The following ITSN1 variants were observed in gnomAD, a reference collection of about 807,000 sequenced individuals.
ITSN1 encodes the protein intersectin-1.
ITSN1 carries 58 observed loss-of-function variants against 239.8 expected under a neutral mutation model. The observed-to-expected ratio is 0.24, with a 90% CI of 0.20 to 0.30. The LOEUF (loss-of-function observed/expected upper bound fraction) is 0.30. Ranked by LOEUF, ITSN1 falls within the 10% of genes least tolerant of loss-of-function variation. The pLI is 1.00. For missense variants in ITSN1, 1,558 were observed against 2,103.3 expected, an observed-to-expected ratio of 0.74 and a Z score of 5.07; for synonymous variants, 780 against 770.8, an observed-to-expected ratio of 1.01 and a Z score of -0.20.
intron 1 of ITSN1, among the ~76,000 whole-genome samples, chr21:33,693,969 C>T (rs1049487313): frequency 1.3e-5 from 2 of 152,152 alleles, no homozygotes; most frequent in African/African-American, 4.8e-5. Context: ...TGGACAAATA[C>T]CTCATATAAA....
intron 22 of ITSN1, 144 bp downstream of exon 22, chr21:33,814,216 G>T: frequency 3.0e-6 from 2 of 677,732 alleles, no homozygotes; most frequent in Admixed American, 3.0e-5. Context: ...TCCAGTGCAG[G>T]AGCCAGAAAT....
chr21:33,678,156 ATCTCTT>A (rs2090711138), intron 1 of ITSN1, among the ~76,000 whole-genome samples: 1 of 151,904 alleles, frequency 6.6e-6, no homozygotes, highest in Admixed American at 6.6e-5. Flanking sequence ...GTCTCTTTCT[ATCTCTT>A]GAACAGGTTC....
intron 1 of ITSN1, among the ~76,000 whole-genome samples, chr21:33,648,685 T>C (rs1481433365): frequency 6.6e-6 from 1 of 151,952 alleles, no homozygotes; most frequent in Non-Finnish European, 1.5e-5. Context: ...ACAAAAAATT[T>C]TTTAAAAAGT....
chr21:33,776,951 C>A (rs2069681963), intron 14 of ITSN1, among the ~76,000 whole-genome samples: 1 of 151,512 alleles, frequency 6.6e-6, no homozygotes, highest in Admixed American at 6.6e-5. Context: ...TTTTGGTGTT[C>A]ATGCTTTTTA....
rs1601805388 is a variant in ITSN1, at chr21:33,716,257, A to G, written c.-32-2540A>G. Among the ~76,000 whole-genome samples, 18 of 152,294 alleles carry G rather than the reference A, an allele frequency of 1.2e-4. No homozygotes were observed. The South Asian group carries it at 3.7e-3, about 32-fold the overall frequency. On this transcript the variant is annotated intron_variant, in intron 1 of 39. Coordinates refer to ENST00000381318, the MANE Select transcript of ITSN1 (RefSeq NM_003024.3). ...CTTAGACCTTCCTCTCCTACACTCC[A>G]GCAGATGGGTAACTACTTCAGTCCC... is the stretch of plus-strand genomic sequence containing the variant.
intron 1 of ITSN1, among the ~76,000 whole-genome samples, chr21:33,675,903 C>T (rs1472561356): frequency 6.6e-6 from 1 of 152,114 alleles, no homozygotes; most frequent in Non-Finnish European, 1.5e-5. Flanking sequence ...TAATTCCTTA[C>T]ATCATATGCT....
intron 15 of ITSN1, 21 bp downstream of exon 15, chr21:33,781,569 G>T (rs554671139): frequency 7.5e-7 from 1 of 1,328,426 alleles, no homozygotes; most frequent in Non-Finnish European, 1.0e-6. Context: ...TATTTTTAAA[G>T]TTGACCTTTT....
chr21:33,775,551 G>T (rs181499927), intron 14 of ITSN1, among the ~76,000 whole-genome samples: 7 of 152,320 alleles, frequency 4.6e-5, no homozygotes, highest in Non-Finnish European at 8.8e-5. Context: ...GGTGACATTT[G>T]AGCAGAGACT....
intron 1 of ITSN1, among the ~76,000 whole-genome samples, chr21:33,650,030 G>GA (rs1165691619): frequency 0.042 from 3,792 of 89,842 alleles, 161 homozygotes; most frequent in African/African-American, 0.14. Flanking sequence ...CTCTGTCTCA[G>GA]AAAAAAAAAA....
intron 11 of ITSN1, among the ~76,000 whole-genome samples, chr21:33,770,611 T>C (rs888971034): frequency 6.6e-6 from 1 of 152,194 alleles, no homozygotes; most frequent in Non-Finnish European, 1.5e-5. Context: ...TTTCTGATTC[T>C]TGGGATTTAC....
In ITSN1 at chr21:33,811,037, G is replaced by C. The variant is rs764139246; in HGVS notation, c.2382G>C (p.Gly794=). 11 of 1,614,196 alleles carry C rather than the reference G, an allele frequency of 6.8e-6. No homozygotes were observed. The highest frequency in any genetic ancestry group is 9.3e-6 in the Non-Finnish European group (11 of 1,180,040). The part of the protein sequence containing the change: ...WLGGELKGKT[G]WFPANYAEKI... ...GAGGAGAATTAAAAGGAAAGACAGG[G>C]TGGTTCCCTGCAAACTATGCAGAGA... Residue 794 remains glycine (G), a synonymous_variant, in exon 21 of 40, where the codon GGG becomes GGC. Transcript: ENST00000381318.
chr21:33,867,538 C>T (rs938301888), intron 33 of ITSN1, among the ~76,000 whole-genome samples: 3 of 151,770 alleles, frequency 2.0e-5, no homozygotes, highest in African/African-American at 2.4e-5. Context: ...CGGTGGCCCG[C>T]GCCTGTAATC....
At chr21:33,858,661 A>T (rs771725073) in intron 30 of ITSN1, 25 bp from the exon 31 acceptor site, 16 of 1,462,078 alleles carry the variant, frequency 1.1e-5, no homozygotes, top group Admixed American at 1.0e-4. Context: ...TGCTTTCTGA[A>T]CTGCTTCGTT....
At chr21:33,669,834 CTT>C (rs1229467456) in intron 1 of ITSN1, among the ~76,000 whole-genome samples, 1 of 151,714 alleles carries the variant, frequency 6.6e-6, no homozygotes, top group Admixed American at 6.6e-5. Flanking sequence ...TGAGATCTCT[CTT>C]GAGTGGCTTC....
chr21:33,710,842 C>T (rs768907392), intron 1 of ITSN1, among the ~76,000 whole-genome samples: 2 of 150,030 alleles, frequency 1.3e-5, no homozygotes, highest in East Asian at 1.9e-4. Flanking sequence ...AGTCTTGCTC[C>T]GTCGCCAGGC....
At chr21:33,773,832 AC>A (rs2069376894) in intron 12 of ITSN1, among the ~76,000 whole-genome samples, 1 of 152,020 alleles carries the variant, frequency 6.6e-6, no homozygotes, top group Non-Finnish European at 1.5e-5. Flanking sequence ...GGCGTGAGCC[AC>A]CATGCCTGGC....
At chr21:33,643,068 C>T (rs1463504556) in intron 1 of ITSN1, among the ~76,000 whole-genome samples, 3 of 150,334 alleles carry the variant, frequency 2.0e-5, no homozygotes, top group Admixed American at 6.6e-5. Flanking sequence ...CCCGGGCGGC[C>T]GCTCCTTCCC....
At chr21:33,680,354 C>T (rs1186456930) in intron 1 of ITSN1, among the ~76,000 whole-genome samples, 3 of 136,544 alleles carry the variant, frequency 2.2e-5, no homozygotes, top group Non-Finnish European at 4.5e-5. Context: ...TTTTTTGAGA[C>T]AGGGTCTCTG....
intron 20 of ITSN1, among the ~76,000 whole-genome samples, chr21:33,807,755 C>T (rs1470811167): frequency 6.6e-6 from 1 of 152,184 alleles, no homozygotes; most frequent in Admixed American, 6.5e-5. Context: ...TCCCGTCGAT[C>T]AAGGGATCCA....
Sources: allele counts gnomAD v4.1 joint callset (sites outside exome capture counted in the v4.1 genomes callset), GRCh38; gene constraint gnomAD v4.1.1; transcripts MANE v1.5; gene names NCBI Gene and HGNC (gene_info 2026-07-23, HGNC 2026-07-21).